The following PARD3B variants were observed in gnomAD, a reference collection of about 807,000 sequenced individuals.
The protein encoded by PARD3B is partitioning defective 3 homolog B.
In PARD3B, 103 loss-of-function variants were observed where a neutral mutation model predicts 130.2. The observed-to-expected ratio is 0.79, with a 90% CI of 0.67 to 0.93. PARD3B has a LOEUF of 0.93. Ranked by LOEUF, PARD3B falls within the 40% of genes least tolerant of loss-of-function variation. The pLI, the probability that PARD3B is intolerant of heterozygous loss-of-function variation, is 0.00. For synonymous variants in PARD3B, 583 were observed against 553.2 expected (o/e 1.05, Z -0.76); for missense variants, 1,609 against 1,499.2 (o/e 1.07, Z -1.21).
Position 205,564,885 on chromosome 2 carries a change from A to G in PARD3B, c.3260+11482A>G, listed in dbSNP as rs1273589618. Among the ~76,000 whole-genome samples the G allele has an allele frequency of 6.6e-6, 1 of 152,194 alleles. No homozygotes were observed. The highest frequency in any genetic ancestry group is 1.5e-5 in the Non-Finnish European group (1 of 68,038). On this transcript the variant is annotated intron_variant, in intron 22 of 22. Coordinates refer to ENST00000406610, the MANE Select transcript of PARD3B (RefSeq NM_001302769.2). This position sits in a 1 kb window ranked among gnomAD's most constrained non-coding sequence, Gnocchi z 4.6. ...TTCCTGCTTCTATTCCAAGTCTCTC[A>G]TTAAGCCTAGACAGAAGTGACCAGG...
intron 3 of PARD3B, among the ~76,000 whole-genome samples, chr2:204,980,641 A>G (rs1186579629): frequency 6.6e-6 from 1 of 152,190 alleles, no homozygotes; most frequent in African/African-American, 2.4e-5. Context: ...TTTCACCTCA[A>G]TGGTATTCTT....
At chr2:205,232,203 A>T (rs1340951002) in intron 15 of PARD3B, among the ~76,000 whole-genome samples, 1 of 152,170 alleles carries the variant, frequency 6.6e-6, no homozygotes, top group Non-Finnish European at 1.5e-5. Context: ...TAATTCCAAC[A>T]TTTGGGGAGG....
At chr2:204,740,805 G>A (rs1370443034) in intron 2 of PARD3B, among the ~76,000 whole-genome samples, 1 of 152,134 alleles carries the variant, frequency 6.6e-6, no homozygotes, top group Non-Finnish European at 1.5e-5. Flanking sequence ...CAGTGCAACT[G>A]AAAAGTTAAT....
intron 13 of PARD3B, among the ~76,000 whole-genome samples, chr2:205,180,157 A>G (rs1057306233): frequency 2.0e-5 from 3 of 151,336 alleles, no homozygotes; most frequent in African/African-American, 7.3e-5. Flanking sequence ...AAGTAGAGAA[A>G]ATCTATTATT....
chr2:205,311,436 T>C (rs2042382280), intron 18 of PARD3B, among the ~76,000 whole-genome samples: 1 of 152,230 alleles, frequency 6.6e-6, no homozygotes, highest in Admixed American at 6.5e-5. Context: ...TGAGCAGTTT[T>C]TCATGTATTT....
chr2:205,380,767 A>ACAT, intron 18 of PARD3B, among the ~76,000 whole-genome samples: 10 of 104,904 alleles, frequency 9.5e-5, no homozygotes, highest in African/African-American at 3.5e-4. Flanking sequence ...TAAAGAATAT[A>ACAT]TATAATATAT....
At chr2:205,206,083 T>G (rs1346650810) in intron 15 of PARD3B, among the ~76,000 whole-genome samples, 1 of 152,158 alleles carries the variant, frequency 6.6e-6, no homozygotes, top group Admixed American at 6.6e-5. Flanking sequence ...TCCTGGGCTT[T>G]TTTTTGGTTA....
intron 4 of PARD3B, among the ~76,000 whole-genome samples, chr2:205,054,436 A>ATATT (rs1411271901): frequency 3.2e-4 from 9 of 28,438 alleles, no homozygotes; most frequent in African/African-American, 1.3e-3. Context: ...ATATATATAT[A>ATATT]TTTTTTTTTT....
At chr2:204,909,304 G>T (rs899628311) in intron 2 of PARD3B, among the ~76,000 whole-genome samples, 19 of 152,086 alleles carry the variant, frequency 1.2e-4, no homozygotes, top group Admixed American at 3.3e-4. Flanking sequence ...TTTAAAAACA[G>T]ATGCACACAC....
chr2:205,100,014 T>C (rs1246921780), intron 4 of PARD3B, among the ~76,000 whole-genome samples: 1 of 152,166 alleles, frequency 6.6e-6, no homozygotes, highest in African/African-American at 2.4e-5. Flanking sequence ...TGACATTGTA[T>C]TTGGCCCAAT....
chr2:204,900,931 G>A (rs1054597933), intron 2 of PARD3B, among the ~76,000 whole-genome samples: 4 of 152,144 alleles, frequency 2.6e-5, no homozygotes, highest in Admixed American at 2.6e-4. Context: ...TGGATTACCA[G>A]GCAGGGACTC....
At position 205,057,625 on chromosome 2, in the gene PARD3B, GTA is replaced by G. The variant is rs1182732331; in HGVS notation, c.504+9944_504+9945del. ...TATATGTGTATGTGTATGTGTATACGTATATATATACATATATGTGTATGTGT... is the reference window on the plus strand; with the variant it reads ...TATATGTGTATGTGTATGTGTATACGTATATATACATATATGTGTATGTGT... On this transcript the variant is annotated intron_variant, in intron 4 of 22. Coordinates refer to ENST00000406610, the MANE Select transcript of PARD3B (RefSeq NM_001302769.2). Among the ~76,000 whole-genome samples, 7 of 130,208 alleles carry G rather than the reference GTA, an allele frequency of 5.4e-5. No homozygotes were observed. The South Asian group carries it at 9.8e-4, about 18-fold the overall frequency. 85.4% of individuals were successfully genotyped at this position (130,208 alleles called of 152,430 possible).
intron 3 of PARD3B, among the ~76,000 whole-genome samples, chr2:205,023,409 G>A (rs1044080087): frequency 4.3e-4 from 64 of 150,106 alleles, no homozygotes; most frequent in African/African-American, 1.5e-3. Context: ...GTTGCCTCTG[G>A]TAACTCTGGT....
At chr2:205,535,504 T>A (rs2051809413) in intron 21 of PARD3B, among the ~76,000 whole-genome samples, 1 of 152,198 alleles carries the variant, frequency 6.6e-6, no homozygotes, top group Non-Finnish European at 1.5e-5. Flanking sequence ...ATATTCTAGT[T>A]CAAACTCCAC....
chr2:205,186,073 TAAGA>T lies in PARD3B; in HGVS notation c.2024+211_2024+214del, dbSNP rs547631209. ...GCATATTTTGCTTCCTGGTATTTGT[TAAGA>T]TTCACCTTAAATTATTAAAATATTT... On this transcript the variant is annotated intron_variant, in intron 14 of 22. Transcript: ENST00000406610. Among the ~76,000 whole-genome samples, 517 of 152,314 alleles carry T rather than the reference TAAGA, an allele frequency of 3.4e-3. 3 individuals carry two copies. Among genetic ancestry groups the T allele is most frequent in the African/African-American group, 0.011 (469 of 41,562 alleles).
intron 15 of PARD3B, among the ~76,000 whole-genome samples, chr2:205,217,050 AG>A (rs2037952379): frequency 1.3e-5 from 2 of 152,100 alleles, no homozygotes; most frequent in Non-Finnish European, 2.9e-5. Context: ...AGAAGGCAAA[AG>A]GGTACGCCAA....
At chr2:204,832,263 TATC>T (rs2043855805) in intron 2 of PARD3B, among the ~76,000 whole-genome samples, 1 of 151,962 alleles carries the variant, frequency 6.6e-6, no homozygotes, top group Non-Finnish European at 1.5e-5. Context: ...AAAAAAAAGC[TATC>T]ATATTCTGGA....
chr2:204,587,328 C>G (rs1472220648), intron 1 of PARD3B, among the ~76,000 whole-genome samples: 2 of 152,154 alleles, frequency 1.3e-5, no homozygotes, highest in Non-Finnish European at 2.9e-5. Flanking sequence ...TTATTTAAAA[C>G]TGTGAGGGAA....
chr2:205,088,376 T>G (rs1315862586), intron 4 of PARD3B, among the ~76,000 whole-genome samples: 1 of 152,146 alleles, frequency 6.6e-6, no homozygotes, highest in African/African-American at 2.4e-5. Flanking sequence ...TCAATCCAAG[T>G]GGACAGAAAG....
Sources: allele counts gnomAD v4.1 joint callset (sites outside exome capture counted in the v4.1 genomes callset), GRCh38; gene constraint gnomAD v4.1.1; non-coding constraint Gnocchi (gnomAD v3.1); transcripts MANE v1.5; gene names NCBI Gene and HGNC (gene_info 2026-07-23, HGNC 2026-07-21).